PVR: variants seen among roughly 807,000 people sequenced by gnomAD.
The protein encoded by PVR is PVR cell adhesion molecule.
PVR carries 39 observed loss-of-function variants against 43.3 expected under a neutral mutation model. The observed-to-expected ratio is 0.90, with a 90% CI of 0.70 to 1.18. The LOEUF is 1.18. PVR is among the 50% of genes most tolerant of loss of function. The pLI, the probability that PVR is intolerant of heterozygous loss-of-function variation, is 0.00. For synonymous variants in PVR, 224 were observed against 233.2 expected, an observed-to-expected ratio of 0.96 and a Z score of 0.36; for missense variants, 480 against 549.7, an observed-to-expected ratio of 0.87 and a Z score of 1.27.
rs552074006 is a variant in PVR, at chr19:44,643,937, G to T, written c.-160G>T. ...TCACTTGTCTGGAGCTTGAAGAAGT[G>T]GGTATTCCCCTTCCCACCCCAGGCA... On this transcript the variant is annotated 5_prime_UTR_variant, in exon 1 of 8. Transcript: ENST00000425690. The T allele has an allele frequency of 1.4e-4, 79 of 561,662 alleles. 2 individuals are homozygous for T. The South Asian group carries it at 1.7e-3, about 12-fold the overall frequency. The allele number at this position is 561,662 out of a possible 1,614,324, so 34.8% of individuals were successfully genotyped here.
At chr19:44,659,598 T>C (rs1292446935) in intron 6 of PVR, among the ~76,000 whole-genome samples, 1 of 152,214 alleles carries the variant, frequency 6.6e-6, no homozygotes, top group Non-Finnish European at 1.5e-5. Flanking sequence ...TTCTCATGCC[T>C]CAGCCTCCCA....
In PVR at chr19:44,647,524, G is replaced by A. The variant is rs775921232; in HGVS notation, c.381G>A (p.Thr127=). 1.2e-6 allele frequency: 2 copies of A among 1,614,014 alleles called. No homozygotes were observed. The highest frequency in any genetic ancestry group is 2.2e-5 in the East Asian group (1 of 44,868). ...GCAACTACACCTGCCTGTTCGTCAC[G>A]TTCCCGCAGGGCAGCAGGAGCGTGG... The part of the protein sequence containing the change: ...DEGNYTCLFV[T]FPQGSRSVDI... The change falls in exon 2 of 8, where the codon ACG becomes ACA. Residue 127 remains threonine (T), a synonymous_variant. Coordinates refer to ENST00000425690, the MANE Select transcript of PVR (RefSeq NM_006505.5).
chr19:44,649,854 G>A lies in PVR; in HGVS notation c.473G>A (p.Gly158Glu), dbSNP rs1487616127. ...GAGGTTCAGAAGGTCCAGCTCACTG[G>A]AGAGCCAGTGCCCATGGCCCGCTGC... The part of the protein sequence containing the change: ...TAEVQKVQLT[G>E]EPVPMARCVS... Residue 158 changes from glycine to glutamate, a missense_variant, in exon 3 of 8, where the codon GGA becomes GAA. By Grantham distance (98) the Gly-to-Glu change is moderately conservative (BLOSUM62 -2). Coordinates refer to ENST00000425690, the MANE Select transcript of PVR (RefSeq NM_006505.5). 1 of 1,614,122 alleles carries A rather than the reference G, an allele frequency of 6.2e-7. No homozygotes were observed. Among genetic ancestry groups the A allele is most frequent in the Non-Finnish European group, 8.5e-7 (1 of 1,180,022 alleles).
rs2123777231 is a variant in PVR at position 44,664,749 on chromosome 19, A to T, written c.*2938A>T. 6.7e-6 allele frequency: 1 copy of T among 148,544 alleles called. No individual in the cohort carries two copies. The highest frequency in any genetic ancestry group is 6.7e-5 in the Admixed American group (1 of 14,874). 9.2% of individuals were successfully genotyped at this position (148,544 alleles called of 1,614,324 possible). ...TTATTTTAGAGAAAGGAATCTTGCCATCTTGCCCAGGCTGGTCTCAAATTC... is the reference window on the plus strand; with the variant it reads ...TTATTTTAGAGAAAGGAATCTTGCCTTCTTGCCCAGGCTGGTCTCAAATTC... On this transcript the variant is annotated 3_prime_UTR_variant, in exon 8 of 8. Transcript: ENST00000425690.
intron 1 of PVR, among the ~76,000 whole-genome samples, chr19:44,644,753 T>C (rs2123740691): frequency 6.8e-6 from 1 of 146,148 alleles, no homozygotes; most frequent in South Asian, 2.2e-4. Flanking sequence ...TCTCACTCCA[T>C]CACCCAGGCT....
At chr19:44,655,863 CT>C (rs11349440) in intron 4 of PVR, among the ~76,000 whole-genome samples, 4,577 of 82,062 alleles carry the variant, frequency 0.056, 91 homozygotes, top group African/African-American at 0.21. Flanking sequence ...AGCTCTCCTG[CT>C]TTTTTTTTTT....
intron 3 of PVR, among the ~76,000 whole-genome samples, chr19:44,650,804 C>T (rs537041059): frequency 1.1e-4 from 16 of 152,160 alleles, no homozygotes; most frequent in South Asian, 8.3e-4. Context: ...CTCAGGTGAT[C>T]GGCCTGCCTC....
chr19:44,650,561 CTT>C (rs869225120), intron 3 of PVR, among the ~76,000 whole-genome samples: 20 of 135,454 alleles, frequency 1.5e-4, no homozygotes, highest in Admixed American at 3.7e-4. Flanking sequence ...TCTTTCTTTC[CTT>C]TTTTTTTTTT....
chr19:44,652,532 G>A (rs1973310700), intron 3 of PVR, among the ~76,000 whole-genome samples: 1 of 151,772 alleles, frequency 6.6e-6, no homozygotes, highest in South Asian at 2.1e-4. Flanking sequence ...TACAAGCCCT[G>A]GCCACAGTGC....
At chr19:44,646,144 C>A (rs561826276) in intron 1 of PVR, among the ~76,000 whole-genome samples, 22 of 152,248 alleles carry the variant, frequency 1.4e-4, no homozygotes, top group African/African-American at 4.1e-4. Flanking sequence ...TGATCTGTGT[C>A]AGCACCCTGT....
intron 6 of PVR, 62 bp from the exon 7 acceptor site, chr19:44,661,230 G>A: frequency 6.6e-7 from 1 of 1,516,526 alleles, no homozygotes; most frequent in South Asian, 1.1e-5. Context: ...ACCCAGGCAT[G>A]TCTTCTTCCC....
chr19:44,653,830 G>A (rs547855836), intron 3 of PVR, 70 bp from the exon 4 acceptor site: 231 of 1,075,188 alleles, frequency 2.1e-4, no homozygotes, highest in African/African-American at 8.7e-4. Flanking sequence ...CTGCAGTGTC[G>A]TGAATCCCGC....
At chr19:44,657,221 G>A (rs192089730) in intron 4 of PVR, among the ~76,000 whole-genome samples, 182 of 152,310 alleles carry the variant, frequency 1.2e-3, no homozygotes, top group African/African-American at 4.2e-3. Flanking sequence ...GAGAGTTTGA[G>A]GACCAACAAA....
intron 4 of PVR, among the ~76,000 whole-genome samples, chr19:44,657,028 C>A (rs1372749463): frequency 6.6e-6 from 1 of 151,946 alleles, no homozygotes; most frequent in Non-Finnish European, 1.5e-5. Flanking sequence ...GTGATCATCA[C>A]AGTTGAAATA....
In PVR at chr19:44,661,297, G is replaced by A; in HGVS notation, c.1156G>A (p.Glu386Lys). The change falls in exon 7 of 8, where the codon GAG becomes AAG. Residue 386 changes from glutamate to lysine, a missense_variant. Glu to Lys is a moderately conservative substitution (Grantham distance 56). Coordinates refer to ENST00000425690, the MANE Select transcript of PVR (RefSeq NM_006505.5). Reference sequence around the variant, plus strand: ...TTCCCCTCCTATTTCCCCAGGTACAGAGCATGCCAGCGCCTCAGCTAATGG... The same window carrying A: ...TTCCCCTCCTATTTCCCCAGGTACAAAGCATGCCAGCGCCTCAGCTAATGG... ...WHCHLCPSST[E>K]HASASANGHV... 6.2e-7 allele frequency: 1 copy of A among 1,613,916 alleles called. No individual in the cohort carries two copies. The highest frequency in any genetic ancestry group is 1.7e-4 in the Middle Eastern group (1 of 6,060).
chr19:44,647,003 G>A (rs977407427), intron 1 of PVR, among the ~76,000 whole-genome samples: 1 of 152,184 alleles, frequency 6.6e-6, no homozygotes, highest in Non-Finnish European at 1.5e-5. Context: ...AAGTGAAGGA[G>A]CACGGCCAAG....
rs1228836977 is a variant in PVR at position 44,664,624 on chromosome 19, C to A, written c.*2813C>A. 1 of 152,048 alleles carries A rather than the reference C, an allele frequency of 6.6e-6. No homozygotes were observed. The highest frequency in any genetic ancestry group is 1.5e-5 in the Non-Finnish European group (1 of 68,010). The allele number at this position is 152,048 out of a possible 1,614,324, so 9.4% of individuals were successfully genotyped here. On this transcript the variant is annotated 3_prime_UTR_variant, in exon 8 of 8. Coordinates refer to ENST00000425690, the MANE Select transcript of PVR (RefSeq NM_006505.5). ...GCTGTACAGGGCTTTTTTAACGAGGCCTCTAAGGACAGGCATTTGTATCCT... is the reference window on the plus strand; with the variant it reads ...GCTGTACAGGGCTTTTTTAACGAGGACTCTAAGGACAGGCATTTGTATCCT...
At chr19:44,650,225 C>A in intron 3 of PVR, 120 bp downstream of exon 3, 1 of 979,652 alleles carries the variant, frequency 1.0e-6, no homozygotes, top group Non-Finnish European at 1.4e-6. Context: ...GCTCCCCTGA[C>A]TCCTGTCTAC....
At position 44,644,006 on chromosome 19, in the gene PVR, G is replaced by A; in HGVS notation, c.-91G>A. ...GGGGATTCCAGGACCTGAGCTCCGG[G>A]AGCTGGACTCGCAGCGACCGCGGCA... is the stretch of plus-strand genomic sequence containing the variant. On this transcript the variant is annotated 5_prime_UTR_variant, in exon 1 of 8. Coordinates refer to ENST00000425690, the MANE Select transcript of PVR (RefSeq NM_006505.5). 1 of 1,097,848 alleles carries A rather than the reference G, an allele frequency of 9.1e-7. No individual in the cohort carries two copies. The highest frequency in any genetic ancestry group is 1.6e-5 in the South Asian group (1 of 62,682). The allele number at this position is 1,097,848 out of a possible 1,614,324, so 68.0% of individuals were successfully genotyped here. A position where few individuals can be genotyped will look rare whatever the true frequency, so the allele number is the denominator to read the frequency against.
Sources: allele counts gnomAD v4.1 joint callset (sites outside exome capture counted in the v4.1 genomes callset), GRCh38; gene constraint gnomAD v4.1.1; transcripts MANE v1.5; gene names NCBI Gene and HGNC (gene_info 2026-07-23, HGNC 2026-07-21).